GALNTL6: variants seen among roughly 807,000 people sequenced by gnomAD.
GALNTL6 encodes the protein polypeptide N-acetylgalactosaminyltransferase like 6.
A neutral mutation model predicts 73.7 loss-of-function variants in GALNTL6; 46 were observed. That is an observed-to-expected ratio of 0.62 (90% CI 0.49 to 0.80). The LOEUF (loss-of-function observed/expected upper bound fraction) is 0.80, where lower values mean the gene tolerates loss of function less well. GALNTL6 is among the 30% of genes least tolerant of loss of function. The pLI is 0.00. For missense variants in GALNTL6, 604 were observed against 755.0 expected (o/e 0.80, Z 2.34); for synonymous variants, 259 against 263.7 (o/e 0.98, Z 0.17).
chr4:171,822,180 G>A (rs1057498387), intron 2 of GALNTL6, among the ~76,000 whole-genome samples: 3 of 151,976 alleles, frequency 2.0e-5, no homozygotes, highest in Non-Finnish European at 4.4e-5. Context: ...TGGATTATTC[G>A]AGGAGAAAAA....
chr4:172,031,866 T>A (rs1741781895), intron 2 of GALNTL6, among the ~76,000 whole-genome samples: 1 of 152,118 alleles, frequency 6.6e-6, no homozygotes, highest in Non-Finnish European at 1.5e-5. Flanking sequence ...TTAGATATAA[T>A]AACTTGAAGA....
chr4:172,822,370 T>C (rs1462824350), intron 7 of GALNTL6, among the ~76,000 whole-genome samples: 1 of 152,096 alleles, frequency 6.6e-6, no homozygotes, highest in Non-Finnish European at 1.5e-5. Context: ...GTAGGTTATG[T>C]GCACTATTTT....
Position 172,723,302 on chromosome 4 carries a change from C to T in GALNTL6, c.554-86059C>T, listed in dbSNP as rs534967965. On this transcript the variant is annotated intron_variant, in intron 5 of 12. Transcript: ENST00000506823. ...TGGGGGGCCAATATTCTACTAACCA[C>T]AGTATGATATAATGAAAAAGAGGAC... 4.6e-5 allele frequency among the ~76,000 whole-genome samples: 7 copies of T among 152,250 alleles called. No homozygotes were observed. In the East Asian group the frequency reaches 1.4e-3, roughly 29 times the overall value.
chr4:172,500,541 G>T (rs1332792966), intron 5 of GALNTL6, among the ~76,000 whole-genome samples: 4 of 152,090 alleles, frequency 2.6e-5, no homozygotes, highest in African/African-American at 9.7e-5. Context: ...AACTATGGAG[G>T]CCAGAAGGAA....
intron 2 of GALNTL6, among the ~76,000 whole-genome samples, chr4:172,008,198 T>C (rs1740894872): frequency 6.6e-6 from 1 of 152,144 alleles, no homozygotes; most frequent in African/African-American, 2.4e-5. Context: ...ACAAAAGATG[T>C]TTTAAATTTT....
At position 172,295,894 on chromosome 4, in the gene GALNTL6, A is replaced by G. The variant is rs534925270; in HGVS notation, c.248-15720A>G. ...AAATTTTGTAGGAAGTTTTGTATAC[A>G]CTCGTTATCAAAAATAAAGTTTTAT... On this transcript the variant is annotated intron_variant, in intron 3 of 12. Transcript: ENST00000506823. 1.9e-3 allele frequency among the ~76,000 whole-genome samples: 288 copies of G among 151,976 alleles called. 2 individuals are homozygous for G. Among genetic ancestry groups the G allele is most frequent in the Non-Finnish European group, 3.6e-3 (244 of 67,976 alleles).
At chr4:172,160,053 T>C (rs2110788037) in intron 2 of GALNTL6, among the ~76,000 whole-genome samples, 1 of 152,136 alleles carries the variant, frequency 6.6e-6, no homozygotes, top group South Asian at 2.1e-4. Context: ...GAGAAATGAT[T>C]TACTGGAGGA....
At chr4:171,836,199 T>C (rs484310) in intron 2 of GALNTL6, among the ~76,000 whole-genome samples, 45,471 of 151,864 alleles carry the variant, frequency 0.3, 6,985 homozygotes, top group Middle Eastern at 0.37. Flanking sequence ...TAGATGAAAC[T>C]ATCTATTTTT....
intron 3 of GALNTL6, among the ~76,000 whole-genome samples, chr4:172,256,384 C>T (rs1366793302): frequency 6.6e-6 from 1 of 151,478 alleles, no homozygotes; most frequent in Non-Finnish European, 1.5e-5. Context: ...TTATTTTCAC[C>T]ATGACCAGAA....
chr4:172,464,020 C>T (rs6816068), intron 5 of GALNTL6, among the ~76,000 whole-genome samples: 95,715 of 151,964 alleles, frequency 0.63, 31,122 homozygotes, highest in South Asian at 0.82. Context: ...CTTTTCTGTC[C>T]AGGTTGAGTG....
intron 5 of GALNTL6, among the ~76,000 whole-genome samples, chr4:172,577,253 C>T (rs149331254): frequency 6.6e-6 from 1 of 152,256 alleles, no homozygotes; most frequent in African/African-American, 2.4e-5. Flanking sequence ...TGACTTTCAC[C>T]ATGAGAAAGT....
intron 12 of GALNTL6, among the ~76,000 whole-genome samples, chr4:173,032,352 G>A (rs1753499042): frequency 6.6e-6 from 1 of 152,066 alleles, no homozygotes; most frequent in East Asian, 1.9e-4. Flanking sequence ...TCGGGAGGCT[G>A]AGGCAGGAGA....
At chr4:172,871,590 G>GGT (rs201022389) in intron 7 of GALNTL6, among the ~76,000 whole-genome samples, 1 of 125,284 alleles carries the variant, frequency 8.0e-6, no homozygotes, top group Non-Finnish European at 1.7e-5. Flanking sequence ...TCTGACTCTG[G>GGT]GGGGGGTGTG....
intron 4 of GALNTL6, among the ~76,000 whole-genome samples, chr4:172,339,854 A>G (rs909395893): frequency 5.3e-5 from 8 of 152,116 alleles, no homozygotes; most frequent in Admixed American, 5.2e-4. Flanking sequence ...TCTTTTTGGG[A>G]TCTGGGGTGT....
intron 5 of GALNTL6, among the ~76,000 whole-genome samples, chr4:172,396,628 A>C (rs1358055856): frequency 2.0e-5 from 3 of 152,192 alleles, no homozygotes; most frequent in Non-Finnish European, 4.4e-5. Flanking sequence ...TGTTTGTGAC[A>C]TCTTTGACTA....
chr4:171,828,336 C>G (rs1734878746), intron 2 of GALNTL6, among the ~76,000 whole-genome samples: 1 of 152,054 alleles, frequency 6.6e-6, no homozygotes, highest in African/African-American at 2.4e-5. Flanking sequence ...TATCACAATT[C>G]TCTCATATTT....
At position 172,950,718 on chromosome 4, in the gene GALNTL6, CT is replaced by C. The variant is rs1380834049; in HGVS notation, c.1150-1315del. On this transcript the variant is annotated intron_variant, in intron 9 of 12. Transcript: ENST00000506823. ...TTGTAGTCATTTTCAAGATAAAGCA[CT>C]TTTCCTAAATATCACTAGCTTTTAC... Among the ~76,000 whole-genome samples, 4 of 152,336 alleles carry C rather than the reference CT, an allele frequency of 2.6e-5. No individual in the cohort carries two copies. In the East Asian group the frequency reaches 7.7e-4, roughly 29 times the overall value.
chr4:172,534,248 T>C (rs1735267253), intron 5 of GALNTL6, among the ~76,000 whole-genome samples: 1 of 152,196 alleles, frequency 6.6e-6, no homozygotes, highest in Non-Finnish European at 1.5e-5. Context: ...GTCTCAGCAC[T>C]TCAGGCCTCT....
intron 2 of GALNTL6, among the ~76,000 whole-genome samples, chr4:172,180,174 A>C (rs527912978): frequency 2.4e-4 from 37 of 152,066 alleles, no homozygotes; most frequent in Non-Finnish European, 2.9e-5. Context: ...TGTGGCTTTT[A>C]TTTGCATTTC....
Sources: gnomAD v4.1 joint callset for allele counts (sites outside exome capture counted in the v4.1 genomes callset) on GRCh38, gnomAD v4.1.1 for gene constraint, MANE v1.5 for transcripts, NCBI Gene and HGNC (gene_info 2026-07-23, HGNC 2026-07-21) for gene names.